The following PAK4 variants were observed in gnomAD, a reference collection of about 807,000 sequenced individuals.
PAK4 encodes p21 (RAC1) activated kinase 4.
PAK4 carries 49 observed loss-of-function variants against 53.5 expected under a neutral mutation model. That is an observed-to-expected ratio of 0.92 (90% CI 0.73 to 1.16). The LOEUF (loss-of-function observed/expected upper bound fraction) is 1.16. Ranked by LOEUF, PAK4 falls within the 50% of genes most tolerant of loss-of-function variation. PAK4 has a pLI of 0.00. For missense variants in PAK4, 824 were observed against 850.7 expected (o/e 0.97, Z 0.39); for synonymous variants, 376 against 375.6 (o/e 1.00, Z -0.01).
At chr19:39,176,642 G>T in exon 7 of PAK4, 1 of 1,613,722 alleles carries the variant, frequency 6.2e-7, no homozygotes, top group Non-Finnish European at 8.5e-7. Flanking sequence ...GAAGTGCCCC[G>T]AAGGAAGTCG....
chr19:39,132,147 T>C (rs771308323), intron 1 of PAK4, among the ~76,000 whole-genome samples: 35 of 152,246 alleles, frequency 2.3e-4, no homozygotes, highest in Non-Finnish European at 4.3e-4. Context: ...GTCATGTGGC[T>C]GTACCCAGAG....
At chr19:39,166,951 G>T (rs1398286003) in intron 1 of PAK4, among the ~76,000 whole-genome samples, 1 of 152,248 alleles carries the variant, frequency 6.6e-6, no homozygotes, top group African/African-American at 2.4e-5. Context: ...GGAAGGGGTG[G>T]CCCCAGGCAA....
At chr19:39,145,629 C>A (rs920364985) in intron 1 of PAK4, among the ~76,000 whole-genome samples, 1 of 152,182 alleles carries the variant, frequency 6.6e-6, no homozygotes, top group South Asian at 2.1e-4. Context: ...CAGTTACAGC[C>A]GTGATGTGAA....
rs2074648394 is a variant in PAK4 at position 39,178,233 on chromosome 19, A to C, written c.1621-191A>C. Among the ~76,000 whole-genome samples, 2 of 151,870 alleles carry C rather than the reference A, an allele frequency of 1.3e-5. No homozygotes were observed. Among genetic ancestry groups the C allele is most frequent in the South Asian group, 2.1e-4 (1 of 4,818 alleles). ...TCACTTCCTCTGGGGCCACATAGTAAGCGCCATCACAGGTGCCATCACTGT... is the reference window on the plus strand; with the variant it reads ...TCACTTCCTCTGGGGCCACATAGTACGCGCCATCACAGGTGCCATCACTGT... On this transcript the variant is annotated intron_variant, in intron 8 of 8. Transcript: ENST00000358301. The surrounding 1 kb of genome is among the most constrained non-coding windows in gnomAD (Gnocchi z 4.4).
downstream of PAK4, chr19:39,179,734 A>T (rs2074681220): frequency 6.6e-6 from 1 of 152,256 alleles, no homozygotes; most frequent in African/African-American, 2.4e-5. Context: ...AGCTAACCCA[A>T]GTTAGTAAAT....
At chr19:39,154,689 TC>T (rs1276968921) in intron 1 of PAK4, among the ~76,000 whole-genome samples, 1 of 152,120 alleles carries the variant, frequency 6.6e-6, no homozygotes, top group Non-Finnish European at 1.5e-5. Flanking sequence ...CCTGTGGCTG[TC>T]CAGAGCTGTC....
chr19:39,146,486 A>G (rs1192067953), intron 1 of PAK4, among the ~76,000 whole-genome samples: 1 of 152,224 alleles, frequency 6.6e-6, no homozygotes, highest in Admixed American at 6.5e-5. Context: ...AACCATTACT[A>G]TTTTTAAGAA....
intron 1 of PAK4, among the ~76,000 whole-genome samples, chr19:39,160,038 G>A (rs1170274038): frequency 6.6e-6 from 1 of 152,370 alleles, no homozygotes; most frequent in South Asian, 2.1e-4. Flanking sequence ...ATGTGGCTGG[G>A]TGGGCCCCCC....
At chr19:39,137,333 T>G (rs1348500218) in intron 1 of PAK4, among the ~76,000 whole-genome samples, 1 of 152,008 alleles carries the variant, frequency 6.6e-6, no homozygotes, top group East Asian at 1.9e-4. Context: ...CGGGGAGTCC[T>G]TATTCTAGAT....
chr19:39,180,318 GAAAA>G (rs112621745), downstream of PAK4: 4 of 144,182 alleles, frequency 2.8e-5, no homozygotes, highest in African/African-American at 1.0e-4. Flanking sequence ...TGCCTTTCTG[GAAAA>G]AAAAAAAATG....
intron 1 of PAK4, among the ~76,000 whole-genome samples, chr19:39,153,880 G>T (rs2074134400): frequency 6.6e-6 from 1 of 152,166 alleles, no homozygotes; most frequent in Non-Finnish European, 1.5e-5. Flanking sequence ...ACCGTGCCCA[G>T]TCCAACTCTC....
chr19:39,176,381 G>C (rs1464525148), intron 6 of PAK4: 1 of 640,894 alleles, frequency 1.6e-6, no homozygotes, highest in South Asian at 1.8e-5. Context: ...GGGGATCGTG[G>C]GGGAGGTGAC....
chr19:39,177,815 C>T lies in PAK4; in HGVS notation c.1620+6C>T. On this transcript the variant is annotated splice_donor_region_variant and intron_variant, in intron 8 of 8. Transcript: ENST00000358301. Reference sequence around the variant, plus strand: ...GACTGAAGAACCTGCACAAGGTAGGCCCCTCCCTGGCTGGGAAACTGTGCG... The same window carrying T: ...GACTGAAGAACCTGCACAAGGTAGGTCCCTCCCTGGCTGGGAAACTGTGCG... The T allele has an allele frequency of 1.9e-6, 3 of 1,603,512 alleles. No homozygotes were observed. The highest frequency in any genetic ancestry group is 2.6e-6 in the Non-Finnish European group (3 of 1,174,402).
At chr19:39,133,595 C>T (rs953183337) in intron 1 of PAK4, among the ~76,000 whole-genome samples, 9 of 152,314 alleles carry the variant, frequency 5.9e-5, no homozygotes, top group Admixed American at 5.2e-4. Flanking sequence ...ACAAAGCTCT[C>T]CCTCCTGCTT....
intron 8 of PAK4, 86 bp downstream of exon 9, chr19:39,177,895 G>C: frequency 6.9e-7 from 1 of 1,444,916 alleles, no homozygotes; most frequent in Non-Finnish European, 9.4e-7. Flanking sequence ...ATGGGATGGG[G>C]ACAATGATGG....
intron 1 of PAK4, among the ~76,000 whole-genome samples, chr19:39,128,792 A>G (rs1195770588): frequency 1.3e-5 from 2 of 152,106 alleles, no homozygotes; most frequent in Admixed American, 1.3e-4. Flanking sequence ...AGCCTTTCAT[A>G]CTTTGACTGC....
intron 1 of PAK4, among the ~76,000 whole-genome samples, chr19:39,140,884 A>G (rs1382736262): frequency 6.6e-6 from 1 of 152,160 alleles, no homozygotes; most frequent in Non-Finnish European, 1.5e-5. Flanking sequence ...GGGAGGATGA[A>G]GTGAGTCTGC....
intron 1 of PAK4, among the ~76,000 whole-genome samples, chr19:39,160,530 T>C (rs2144767517): frequency 6.6e-6 from 1 of 152,254 alleles, no homozygotes; most frequent in East Asian, 1.9e-4. Flanking sequence ...TTATTTGCAC[T>C]AAGACCTGAA....
Position 39,175,612 on chromosome 19 carries a change from G to C in PAK4, c.1359+174G>C, listed in dbSNP as rs1422244133. Among the ~76,000 whole-genome samples the C allele has an allele frequency of 6.6e-6, 1 of 152,200 alleles. No individual in the cohort carries two copies. The highest frequency in any genetic ancestry group is 2.4e-5 in the African/African-American group (1 of 41,444). On this transcript the variant is annotated intron_variant, in intron 6 of 8. Coordinates refer to ENST00000358301, the Ensembl canonical transcript of PAK4. The surrounding 1 kb of genome is among the most constrained non-coding windows in gnomAD (Gnocchi z 4.7). ...CAGCCCAGAGTCAGGTTCCAGCTCA[G>C]TGGGGACTCTGTGCAGTGGGAGGGC...
Sources: allele counts gnomAD v4.1 joint callset (sites outside exome capture counted in the v4.1 genomes callset), GRCh38; gene constraint gnomAD v4.1.1; non-coding constraint Gnocchi (gnomAD v3.1); transcripts MANE v1.5; gene names NCBI Gene and HGNC (gene_info 2026-07-23, HGNC 2026-07-21).